The following AFF1 variants were observed in gnomAD, a reference collection of about 807,000 sequenced individuals.
AFF1 encodes the protein AF4/FMR2 family member 1.
Under a neutral mutation model 121.7 loss-of-function variants are expected in AFF1, and 48 were observed. The ratio of observed to expected loss-of-function variants is 0.39; its 90% CI spans 0.31 to 0.50. The LOEUF (loss-of-function observed/expected upper bound fraction) is 0.50, where lower values mean the gene tolerates loss of function less well. Among genes scored for constraint, AFF1 ranks in the 20% least tolerant of loss-of-function variants. The probability of loss-of-function intolerance (pLI) is 0.76; values close to 1 mark genes in which losing one functional copy is unlikely to be tolerated. For missense variants in AFF1, 1,523 were observed against 1,511.7 expected (o/e 1.01, Z -0.12); for synonymous variants, 613 against 563.0 (o/e 1.09, Z -1.26).
chr4:86,973,334 G>T (rs1723073652), intron 2 of AFF1, among the ~76,000 whole-genome samples: 1 of 152,144 alleles, frequency 6.6e-6, no homozygotes, highest in South Asian at 2.1e-4. Flanking sequence ...TTTGTATAAG[G>T]GGGCAGGATG....
chr4:86,963,359 A>G (rs1348603248), intron 2 of AFF1, among the ~76,000 whole-genome samples: 2 of 151,998 alleles, frequency 1.3e-5, no homozygotes, highest in South Asian at 2.1e-4. Context: ...CTTTGTGGAG[A>G]GCCTTTGATG....
chr4:87,067,366 T>C (rs1472338065), intron 4 of AFF1, among the ~76,000 whole-genome samples: 1 of 152,198 alleles, frequency 6.6e-6, no homozygotes, highest in Non-Finnish European at 1.5e-5. Flanking sequence ...TACAAACATC[T>C]CCTGAGATTT....
chr4:87,097,384 A>G (rs1037240842), intron 8 of AFF1, among the ~76,000 whole-genome samples: 1 of 152,112 alleles, frequency 6.6e-6, no homozygotes, highest in Non-Finnish European at 1.5e-5. Context: ...TACCACTCCA[A>G]TTTCCATCAG....
At chr4:87,024,426 G>A (rs1232009489) in intron 2 of AFF1, among the ~76,000 whole-genome samples, 1 of 152,166 alleles carries the variant, frequency 6.6e-6, no homozygotes, top group Non-Finnish European at 1.5e-5. Flanking sequence ...CCTCTGGGAA[G>A]TAAGTGCCTT....
At chr4:87,004,299 T>C (rs1177254129) in intron 2 of AFF1, among the ~76,000 whole-genome samples, 1 of 152,192 alleles carries the variant, frequency 6.6e-6, no homozygotes, top group Non-Finnish European at 1.5e-5. Context: ...ATAGAATAAG[T>C]TTGCACCTCA....
intron 16 of AFF1, among the ~76,000 whole-genome samples, chr4:87,129,640 T>G (rs1728621061): frequency 6.6e-6 from 1 of 152,278 alleles, no homozygotes. Context: ...CTGTCACTAA[T>G]CTGAGCCTCG....
rs537460592 is a variant in AFF1, at chr4:86,935,131, G to C, written c.-146G>C. ...CCGCAGCCGAGCCCCGGGAGGAGGC[G>C]CTCCCCTGCGTCGTCCGCACTTGCG... On this transcript the variant is annotated 5_prime_UTR_variant, in exon 1 of 21. Transcript: ENST00000395146. The C allele has an allele frequency of 6.6e-6, 1 of 152,254 alleles. No homozygotes were observed. Among genetic ancestry groups the C allele is most frequent in the Admixed American group, 6.5e-5 (1 of 15,274 alleles). 9.4% of individuals were successfully genotyped at this position (152,254 alleles called of 1,614,324 possible).
intron 5 of AFF1, among the ~76,000 whole-genome samples, chr4:87,084,559 A>C (rs530960631): frequency 2.6e-5 from 1 of 38,146 alleles, no homozygotes; most frequent in South Asian, 1.1e-3. Flanking sequence ...CCAATAAATA[A>C]ATAAATAAAT....
intron 2 of AFF1, among the ~76,000 whole-genome samples, chr4:87,045,160 A>G (rs1730545093): frequency 6.6e-6 from 1 of 152,202 alleles, no homozygotes; most frequent in Admixed American, 6.5e-5. Context: ...GTCTGACATC[A>G]GGGCTAGAAT....
In AFF1 at chr4:87,140,940, T is replaced by G. The variant is rs1321919262; in HGVS notation, c.*5239T>G. 1 of 182,696 alleles carries G rather than the reference T, an allele frequency of 5.5e-6. No individual in the cohort carries two copies. The highest frequency in any genetic ancestry group is 2.4e-5 in the African/African-American group (1 of 42,484). 11.3% of individuals were successfully genotyped at this position (182,696 alleles called of 1,614,324 possible). A position where few individuals can be genotyped will look rare whatever the true frequency, so the allele number is the denominator to read the frequency against. ...CTCTGTAATGAGGATTAATTGCTGT[T>G]TAAACAAAAATGTAATTGTTCATCT... On this transcript the variant is annotated 3_prime_UTR_variant, in exon 21 of 21. Transcript: ENST00000395146.
At chr4:86,941,302 T>G (rs1419145982) in intron 1 of AFF1, among the ~76,000 whole-genome samples, 1 of 152,028 alleles carries the variant, frequency 6.6e-6, no homozygotes, top group African/African-American at 2.4e-5. Flanking sequence ...CATGAGCTCA[T>G]GAGTTTGAGA....
At chr4:87,060,544 T>C (rs527822893) in intron 4 of AFF1, among the ~76,000 whole-genome samples, 1 of 152,128 alleles carries the variant, frequency 6.6e-6, no homozygotes, top group Non-Finnish European at 1.5e-5. Flanking sequence ...TCCTAGTAAC[T>C]TAAGAATTAT....
chr4:87,049,755 C>T (rs556745279), intron 4 of AFF1: 5 of 455,796 alleles, frequency 1.1e-5, no homozygotes, highest in African/African-American at 4.0e-5. Flanking sequence ...AGCCCCGTGG[C>T]GCTGTTGGTG....
intron 5 of AFF1, 89 bp downstream of exon 5, chr4:87,084,253 C>T (rs1004743737): frequency 6.7e-5 from 97 of 1,439,314 alleles, no homozygotes; most frequent in Middle Eastern, 1.9e-4. Flanking sequence ...GAACAGTTGC[C>T]ATTGGCTGGG....
At chr4:87,067,434 G>A (rs1296146878) in intron 4 of AFF1, among the ~76,000 whole-genome samples, 2 of 152,192 alleles carry the variant, frequency 1.3e-5, no homozygotes, top group Non-Finnish European at 2.9e-5. Flanking sequence ...GCAATAAAGT[G>A]TAACTTCACG....
At chr4:87,021,334 A>G (rs1434575898) in intron 2 of AFF1, among the ~76,000 whole-genome samples, 1 of 152,242 alleles carries the variant, frequency 6.6e-6, no homozygotes, top group Non-Finnish European at 1.5e-5. Flanking sequence ...TGAGTCACTC[A>G]CCAGACACCA....
intron 4 of AFF1, among the ~76,000 whole-genome samples, chr4:87,050,697 C>T (rs539138121): frequency 1.2e-3 from 186 of 152,270 alleles, no homozygotes; most frequent in Non-Finnish European, 1.3e-3. Context: ...TGGTTTTTCT[C>T]CGGGAGTGTC....
chr4:87,007,284 C>T (rs970475869), intron 2 of AFF1: 7 of 1,560,242 alleles, frequency 4.5e-6, no homozygotes, highest in African/African-American at 2.7e-5. Flanking sequence ...CCCGTAACAT[C>T]GGGGCGCCGC....
In AFF1 at chr4:87,082,705, A is replaced by G. The variant is rs569585873; in HGVS notation, c.1060-1415A>G. Among the ~76,000 whole-genome samples, 117 of 152,290 alleles carry G rather than the reference A, an allele frequency of 7.7e-4. 1 individual carries two copies. The Middle Eastern group carries it at 0.014, about 18-fold the overall frequency. On this transcript the variant is annotated intron_variant, in intron 4 of 20. Coordinates refer to ENST00000395146, the MANE Select transcript of AFF1 (RefSeq NM_001166693.3). ...CGGCCTCCCAAAGTGCTGGGATTACAGGTGTGAGCCAGCACACCTGGCCTA... is the reference window on the plus strand; with the variant it reads ...CGGCCTCCCAAAGTGCTGGGATTACGGGTGTGAGCCAGCACACCTGGCCTA...
Sources: gnomAD v4.1 joint callset for allele counts (sites outside exome capture counted in the v4.1 genomes callset) on GRCh38, gnomAD v4.1.1 for gene constraint, MANE v1.5 for transcripts, NCBI Gene and HGNC (gene_info 2026-07-23, HGNC 2026-07-21) for gene names.